Variants in USP50 observed in about 807,000 individuals in gnomAD.
USP50 encodes the protein ubiquitin specific peptidase 50.
A neutral mutation model predicts 39.2 loss-of-function variants in USP50; 37 were observed. The observed-to-expected ratio is 0.94, with a 90% confidence interval of 0.73 to 1.24. USP50 has a LOEUF of 1.24. Ranked by LOEUF, USP50 falls within the 50% of genes most tolerant of loss-of-function variation. USP50 has a pLI of 0.00. For missense variants in USP50, 374 were observed against 398.2 expected, an observed-to-expected ratio of 0.94 and a Z score of 0.52; for synonymous variants, 139 against 144.5, an observed-to-expected ratio of 0.96 and a Z score of 0.27.
intron 6 of USP50, chr15:50,506,821 G>A (rs1596004571): frequency 6.6e-6 from 1 of 152,046 alleles, no homozygotes; most frequent in Non-Finnish European, 1.5e-5. Flanking sequence ...AGCCGGGCAT[G>A]GTGGCAGGCG....
chr15:50,493,920 G>T, downstream of USP50: 2 of 953,228 alleles, frequency 2.1e-6, no homozygotes, highest in Non-Finnish European at 3.4e-6. Flanking sequence ...ATTCAGATGA[G>T]AATCTGGTGG....
At chr15:50,516,546 G>A (rs1024201864) in intron 6 of USP50, among the ~76,000 whole-genome samples, 2 of 152,152 alleles carry the variant, frequency 1.3e-5, no homozygotes, top group Admixed American at 6.5e-5. Context: ...AAACCCAGGA[G>A]GCGGAGGTTG....
intron 3 of USP50, 28 bp downstream of exon 3, chr15:50,543,570 C>T (rs915208719): frequency 5.7e-6 from 9 of 1,588,474 alleles, no homozygotes; most frequent in Non-Finnish European, 6.9e-6. Flanking sequence ...CAGGACTATC[C>T]TATTTCAAGG....
intron 6 of USP50, among the ~76,000 whole-genome samples, chr15:50,526,065 ATTATT>A: frequency 6.6e-6 from 1 of 152,116 alleles, no homozygotes; most frequent in Admixed American, 6.6e-5. Flanking sequence ...ACAGTATTAT[ATTATT>A]TTATTTTAGG....
intron 4 of USP50, among the ~76,000 whole-genome samples, chr15:50,539,375 GC>G (rs1460052484): frequency 2.1e-5 from 3 of 142,406 alleles, no homozygotes; most frequent in Non-Finnish European, 4.5e-5. Context: ...CTATACATCA[GC>G]ATTTTAACTT....
chr15:50,520,088 T>A (rs530851208), intron 6 of USP50, among the ~76,000 whole-genome samples: 2 of 151,826 alleles, frequency 1.3e-5, no homozygotes, highest in Non-Finnish European at 2.9e-5. Context: ...GGAGGATCAC[T>A]TGAGGCCAGT....
Position 50,543,710 on chromosome 15 carries a change from A to T in USP50, c.332T>A (p.Ile111Lys), listed in dbSNP as rs1390650578. The change falls in exon 3 of 7, where the codon ATA becomes AAA. Residue 111 changes from isoleucine (I) to lysine (K), a missense_variant. Ile to Lys is a moderately radical substitution (Grantham distance 102, BLOSUM62 -3). Transcript: ENST00000532404. Reference sequence around the variant, plus strand: ...GAGGTTGCCAAGAGCTGACCAGAATATTTCTGGTGAGACACAGTCTGAGTC... The same window carrying T: ...GAGGTTGCCAAGAGCTGACCAGAATTTTTCTGGTGAGACACAGTCTGAGTC... ...LGDSDCVSPEIFWSALGNLYP... is the reference protein window; with the variant it reads ...LGDSDCVSPEKFWSALGNLYP... The T allele has an allele frequency of 6.2e-7, 1 of 1,612,052 alleles. No homozygotes were observed. The highest frequency in any genetic ancestry group is 2.2e-5 in the East Asian group (1 of 44,868).
chr15:50,539,424 A>AT (rs11336805), intron 4 of USP50, among the ~76,000 whole-genome samples: 120 of 127,548 alleles, frequency 9.4e-4, no homozygotes, highest in East Asian at 3.6e-3. Flanking sequence ...TGATTTTGCA[A>AT]TTTTTTTTTT....
chr15:50,541,028 C>G (rs1368096966), intron 4 of USP50, 21 bp downstream of exon 4: 2 of 1,577,790 alleles, frequency 1.3e-6, no homozygotes, highest in Non-Finnish European at 1.7e-6. Flanking sequence ...GACAAAGTGT[C>G]CAGGAATACT....
intron 6 of USP50, among the ~76,000 whole-genome samples, chr15:50,527,675 G>A (rs974748201): frequency 1.7e-4 from 26 of 148,578 alleles, no homozygotes; most frequent in African/African-American, 6.0e-4. Context: ...AGTCTCACTC[G>A]CTCAGGCTAG....
intron 6 of USP50, among the ~76,000 whole-genome samples, chr15:50,523,562 T>C (rs2052867364): frequency 6.6e-6 from 1 of 152,090 alleles, no homozygotes; most frequent in Non-Finnish European, 1.5e-5. Flanking sequence ...CAACAAAAAC[T>C]ACTTAGGTGT....
intron 6 of USP50, among the ~76,000 whole-genome samples, chr15:50,521,167 G>A (rs959711220): frequency 1.3e-5 from 2 of 152,040 alleles, no homozygotes; most frequent in Non-Finnish European, 2.9e-5. Context: ...TCAGCCTCCC[G>A]AGTAGCTGGG....
chr15:50,494,423 A>G, intron 1 of USP50: 1 of 666,298 alleles, frequency 1.5e-6, no homozygotes, highest in Non-Finnish European at 2.4e-6. Context: ...GAATTATAAA[A>G]CATCAGGTAA....
At chr15:50,530,770 A>C (rs2052934255) in intron 5 of USP50, among the ~76,000 whole-genome samples, 1 of 152,154 alleles carries the variant, frequency 6.6e-6, no homozygotes, top group Admixed American at 6.5e-5. Flanking sequence ...GGCAAAAAGA[A>C]AGGGATAACC....
rs1015391958 is a variant in USP50 at position 50,519,542 on chromosome 15, G to A, written c.936+10255C>T. ...ATCTTGGCTAACCCGGTGAAACCCCGTCTCTACTAAAAATACAAAAAAATT... is the reference window on the plus strand; with the variant it reads ...ATCTTGGCTAACCCGGTGAAACCCCATCTCTACTAAAAATACAAAAAAATT... On this transcript the variant is annotated intron_variant, in intron 6 of 6. Coordinates refer to ENST00000532404, the MANE Select transcript of USP50 (RefSeq NM_203494.5). 3.3e-5 allele frequency among the ~76,000 whole-genome samples: 5 copies of A among 151,840 alleles called. No individual in the cohort carries two copies. In the East Asian group the frequency reaches 5.8e-4, roughly 18 times the overall value.
chr15:50,517,349 G>T (rs1255053207), intron 6 of USP50, among the ~76,000 whole-genome samples: 1 of 151,968 alleles, frequency 6.6e-6, no homozygotes, highest in Admixed American at 6.6e-5. Context: ...GTGGGCGCCT[G>T]TAATCCCAGC....
chr15:50,519,162 C>T (rs2052827606), intron 6 of USP50, among the ~76,000 whole-genome samples: 1 of 152,108 alleles, frequency 6.6e-6, no homozygotes, highest in African/African-American at 2.4e-5. Context: ...TGGCACACCC[C>T]TGTAGTCCCA....
intron 4 of USP50, among the ~76,000 whole-genome samples, chr15:50,540,673 G>C (rs570577829): frequency 8.1e-4 from 123 of 152,096 alleles, no homozygotes; most frequent in Non-Finnish European, 1.3e-3. Context: ...ACCCAGGCTG[G>C]GGTGCAGTAG....
intron 1 of USP50, among the ~76,000 whole-genome samples, chr15:50,545,018 G>T (rs1348295572): frequency 1.3e-5 from 2 of 152,058 alleles, no homozygotes; most frequent in African/African-American, 2.4e-5. Flanking sequence ...TGGGAGGATT[G>T]CTTGAGGCCA....
Sources: gnomAD v4.1 joint callset for allele counts (sites outside exome capture counted in the v4.1 genomes callset) on GRCh38, gnomAD v4.1.1 for gene constraint, MANE v1.5 for transcripts, NCBI Gene and HGNC (gene_info 2026-07-23, HGNC 2026-07-21) for gene names.